The following STK3 variants were observed in gnomAD, a reference collection of about 807,000 sequenced individuals.
The protein encoded by STK3 is serine/threonine-protein kinase 3.
In STK3, 41 loss-of-function variants were observed where a neutral mutation model predicts 58.0. The ratio of observed to expected loss-of-function variants is 0.71; its 90% CI spans 0.55 to 0.92. The LOEUF (loss-of-function observed/expected upper bound fraction) is 0.92, where lower values mean the gene tolerates loss of function less well. STK3 is among the 40% of genes least tolerant of loss of function. The pLI, the probability that STK3 is intolerant of heterozygous loss-of-function variation, is 0.00. For synonymous variants in STK3, 170 were observed against 191.0 expected (o/e 0.89, Z 0.91); for missense variants, 479 against 602.7 (o/e 0.79, Z 2.15).
intron 4 of STK3, among the ~76,000 whole-genome samples, chr8:98,739,836 G>A (rs1460892576): frequency 2.0e-5 from 3 of 147,528 alleles, no homozygotes; most frequent in African/African-American, 7.5e-5. Context: ...CAAAGAAGTT[G>A]AAAACTTTGA....
Position 98,706,610 on chromosome 8 carries a change from C to G in STK3, c.541G>C (p.Val181Leu). The G allele has an allele frequency of 9.9e-6, 16 of 1,608,556 alleles. No homozygotes were observed. The highest frequency in any genetic ancestry group is 1.4e-5 in the Non-Finnish European group (16 of 1,178,136). The change falls in exon 6 of 11, where the codon GTA (valine) becomes CTA (leucine). Residue 181 changes from valine to leucine, a missense_variant. Around this residue, in one of 3 missense-constraint regions of STK3, gnomAD observed 126 missense variants for 210.1 expected, o/e 0.60. Coordinates refer to ENST00000419617, the MANE Select transcript of STK3 (RefSeq NM_006281.4). The stretch of plus-strand genomic sequence containing the variant: ...GCCATCCAAAATGGAGTTCCTATTA[C>G]AGTATTGCGTTTTGCCATTGTATCC... ...LTDTMAKRNT[V>L]IGTPFWMAPE...
At chr8:98,464,005 G>A (rs1287131576) in intron 10 of STK3, among the ~76,000 whole-genome samples, 1 of 152,064 alleles carries the variant, frequency 6.6e-6, no homozygotes, top group Non-Finnish European at 1.5e-5. Flanking sequence ...GGTTTGCTGT[G>A]TTTACTGGGA....
At chr8:98,655,734 A>C (rs1464188284) in intron 6 of STK3, among the ~76,000 whole-genome samples, 1 of 152,088 alleles carries the variant, frequency 6.6e-6, no homozygotes, top group Non-Finnish European at 1.5e-5. Context: ...CACATGAAAA[A>C]ATGCTCACCA....
chr8:98,685,937 T>C (rs977366356), intron 6 of STK3, among the ~76,000 whole-genome samples: 1 of 152,068 alleles, frequency 6.6e-6, no homozygotes, highest in Non-Finnish European at 1.5e-5. Context: ...GACAAAATAA[T>C]AAAATTTTTA....
intron 8 of STK3, among the ~76,000 whole-genome samples, chr8:98,551,597 A>G (rs1351377762): frequency 6.6e-6 from 1 of 152,156 alleles, no homozygotes; most frequent in East Asian, 1.9e-4. Context: ...CACAAAGGCC[A>G]TTGCAATCTT....
At chr8:98,633,789 T>C (rs1819432577) in intron 6 of STK3, 2 of 543,268 alleles carry the variant, frequency 3.7e-6, no homozygotes, top group African/African-American at 1.9e-5. Flanking sequence ...CAAGCAAGTG[T>C]ATGGTAAAGC....
upstream of STK3, chr8:98,391,566 C>T (rs1008239173): frequency 6.6e-6 from 1 of 152,264 alleles, no homozygotes; most frequent in African/African-American, 2.4e-5. Flanking sequence ...CTGCTGTGCA[C>T]CTCCCACAAC....
intron 1 of STK3, among the ~76,000 whole-genome samples, chr8:98,939,226 G>GGAAA: frequency 6.6e-6 from 1 of 152,344 alleles, no homozygotes; most frequent in East Asian, 1.9e-4. Flanking sequence ...AGGGACGGAG[G>GGAAA]AGGAGAGAGA....
chr8:98,440,167 C>T (rs1818638205), intron 1 of STK3, among the ~76,000 whole-genome samples: 1 of 152,038 alleles, frequency 6.6e-6, no homozygotes, highest in East Asian at 1.9e-4. Flanking sequence ...TCCTGAGAGG[C>T]ACAGACGGAC....
chr8:98,459,241 A>AT (rs1310656200), intron 10 of STK3, among the ~76,000 whole-genome samples: 7 of 152,230 alleles, frequency 4.6e-5, no homozygotes, highest in Non-Finnish European at 7.3e-5. Context: ...GACTGGTGGC[A>AT]TTTTGCCCCT....
intron 2 of STK3, among the ~76,000 whole-genome samples, chr8:98,372,028 T>C (rs916316766): frequency 2.0e-5 from 3 of 151,962 alleles, no homozygotes; most frequent in South Asian, 2.1e-4. Context: ...CCTTTTAAGA[T>C]GAGGGAAATG....
chr8:98,691,490 T>C (rs867622464), intron 6 of STK3, among the ~76,000 whole-genome samples: 3 of 152,050 alleles, frequency 2.0e-5, no homozygotes, highest in Admixed American at 6.6e-5. Context: ...CTGTGTATTA[T>C]AATTGGGGTG....
At chr8:98,634,442 G>A (rs1003311467) in intron 6 of STK3, among the ~76,000 whole-genome samples, 8 of 152,166 alleles carry the variant, frequency 5.3e-5, no homozygotes, top group African/African-American at 1.9e-4. Flanking sequence ...GGAGGTTCCA[G>A]TGAGCGGAGA....
intron 6 of STK3, among the ~76,000 whole-genome samples, chr8:98,655,207 C>G (rs1397412744): frequency 1.3e-5 from 2 of 152,080 alleles, no homozygotes; most frequent in Non-Finnish European, 2.9e-5. Context: ...TGATCTTTGA[C>G]AAACCTGACA....
At chr8:98,754,830 G>A (rs1830191807) in intron 3 of STK3, among the ~76,000 whole-genome samples, 1 of 152,026 alleles carries the variant, frequency 6.6e-6, no homozygotes. Context: ...CTTTAAATAT[G>A]AATGTTCTCA....
intron 9 of STK3, among the ~76,000 whole-genome samples, chr8:98,545,749 A>G (rs1395613626): frequency 1.3e-5 from 2 of 152,188 alleles, no homozygotes; most frequent in Admixed American, 6.5e-5. Context: ...TACTGCTATC[A>G]TCTTATTAGG....
chr8:98,511,488 T>C (rs913244173), intron 10 of STK3, among the ~76,000 whole-genome samples: 4 of 152,158 alleles, frequency 2.6e-5, no homozygotes, highest in Non-Finnish European at 4.4e-5. Flanking sequence ...AGCTAATTGA[T>C]GCTACCCTAA....
At chr8:98,375,038 A>G (rs1319980462) in intron 2 of STK3, among the ~76,000 whole-genome samples, 1 of 151,994 alleles carries the variant, frequency 6.6e-6, no homozygotes, top group Non-Finnish European at 1.5e-5. Context: ...CGAGGAGTTC[A>G]AAAATAGCCT....
intron 1 of STK3, among the ~76,000 whole-genome samples, chr8:98,913,173 G>A (rs1320163712): frequency 3.3e-5 from 5 of 150,678 alleles, no homozygotes; most frequent in Non-Finnish European, 7.4e-5. Context: ...GTTGTATTTT[G>A]AAAAACAAAT....
Sources: allele counts gnomAD v4.1 joint callset (sites outside exome capture counted in the v4.1 genomes callset), GRCh38; gene constraint gnomAD v4.1.1; regional missense constraint gnomAD v4.1.1; transcripts MANE v1.5; gene names NCBI Gene and HGNC (gene_info 2026-07-23, HGNC 2026-07-21).